Variants in RAB38 observed in about 807,000 individuals in gnomAD.
RAB38 encodes ras-related protein Rab-38.
Under a neutral mutation model 18.4 loss-of-function variants are expected in RAB38, and 15 were observed. That is an observed-to-expected ratio of 0.82 (90% CI 0.55 to 1.26). The LOEUF (loss-of-function observed/expected upper bound fraction) is 1.26. Ranked by LOEUF, RAB38 falls within the 50% of genes most tolerant of loss-of-function variation. The pLI is 0.00. For synonymous variants in RAB38, 101 were observed against 104.4 expected (o/e 0.97, Z 0.20); for missense variants, 294 against 267.4 (o/e 1.10, Z -0.69).
At chr11:88,166,967 T>TA (rs1024799689) in intron 1 of RAB38, 5 of 152,284 alleles carry the variant, frequency 3.3e-5, no homozygotes, top group African/African-American at 9.6e-5. Flanking sequence ...ATTGAACAAA[T>TA]ACTACTTGAG....
intron 2 of RAB38, among the ~76,000 whole-genome samples, chr11:88,145,304 C>A (rs552902259): frequency 6.6e-6 from 1 of 152,018 alleles, no homozygotes; most frequent in East Asian, 1.9e-4. Context: ...GTGCCTGCTG[C>A]CAGCCTGCTA....
the RAB38 span, among the ~76,000 whole-genome samples, chr11:88,070,262 G>A: frequency 4.6e-5 from 7 of 152,182 alleles, no homozygotes; most frequent in East Asian, 5.8e-4. Context: ...CAGACGGGCC[G>A]CCTTAAGAGC....
the RAB38 span, among the ~76,000 whole-genome samples, chr11:87,852,644 T>A: frequency 6.6e-6 from 1 of 152,190 alleles, no homozygotes; most frequent in African/African-American, 2.4e-5. Context: ...AATGTTATTT[T>A]CTCATCTCTG....
chr11:88,033,404 A>G, the RAB38 span, among the ~76,000 whole-genome samples: 315 of 151,904 alleles, frequency 2.1e-3, 3 homozygotes, highest in East Asian at 0.02. Flanking sequence ...AAAAAAAAAG[A>G]AAGTATTTGA....
the RAB38 span, among the ~76,000 whole-genome samples, chr11:88,030,000 G>T: frequency 6.6e-6 from 1 of 152,064 alleles, no homozygotes; most frequent in East Asian, 1.9e-4. Context: ...CTCAGCAAAT[G>T]TAAAAGAACA....
chr11:88,036,709 C>T, the RAB38 span, among the ~76,000 whole-genome samples: 1 of 151,864 alleles, frequency 6.6e-6, no homozygotes, highest in African/African-American at 2.4e-5. Context: ...CTTTGTGGAA[C>T]ATATCAATGG....
chr11:87,901,672 A>T, the RAB38 span, among the ~76,000 whole-genome samples: 1 of 151,558 alleles, frequency 6.6e-6, no homozygotes, highest in Non-Finnish European at 1.5e-5. Context: ...CAAATCCCAC[A>T]CCGGTTCAAC....
At chr11:87,965,068 G>C in the RAB38 span, among the ~76,000 whole-genome samples, 1 of 152,078 alleles carries the variant, frequency 6.6e-6, no homozygotes, top group Non-Finnish European at 1.5e-5. Flanking sequence ...AGGATGTTTA[G>C]CAGCATCTTT....
the RAB38 span, among the ~76,000 whole-genome samples, chr11:87,939,582 G>C: frequency 3.3e-5 from 5 of 152,122 alleles, no homozygotes; most frequent in African/African-American, 1.2e-4. Flanking sequence ...AGTTGGCCAG[G>C]CATGGTGACT....
chr11:87,856,145 C>T, the RAB38 span, among the ~76,000 whole-genome samples: 5 of 152,138 alleles, frequency 3.3e-5, no homozygotes, highest in African/African-American at 1.2e-4. Flanking sequence ...CATTTTCCTC[C>T]TGGACATATG....
chr11:88,067,755 G>T, the RAB38 span, among the ~76,000 whole-genome samples: 70 of 152,072 alleles, frequency 4.6e-4, no homozygotes, highest in African/African-American at 1.5e-3. Flanking sequence ...ACAGGGTGTG[G>T]GTGGCAAGGG....
At chr11:87,895,403 C>T in the RAB38 span, among the ~76,000 whole-genome samples, 3 of 151,578 alleles carry the variant, frequency 2.0e-5, no homozygotes, top group Non-Finnish European at 4.4e-5. Context: ...ATTTGGCTCA[C>T]TAACAGCCAG....
At chr11:88,123,970 C>A (rs1365621483) in intron 2 of RAB38, among the ~76,000 whole-genome samples, 3 of 152,132 alleles carry the variant, frequency 2.0e-5, no homozygotes, top group African/African-American at 4.8e-5. Flanking sequence ...ATATATGATT[C>A]TTATGCCCTA....
chr11:88,026,564 A>G, the RAB38 span, among the ~76,000 whole-genome samples: 1 of 65,342 alleles, frequency 1.5e-5, no homozygotes, highest in Non-Finnish European at 3.2e-5. Flanking sequence ...CTCTGTCACA[A>G]AAAAAAAAAA....
the RAB38 span, among the ~76,000 whole-genome samples, chr11:87,836,890 A>G: frequency 4.0e-5 from 6 of 151,726 alleles, no homozygotes; most frequent in African/African-American, 1.5e-4. Flanking sequence ...GTTGTCACCC[A>G]CTCTTTCTTC....
the RAB38 span, among the ~76,000 whole-genome samples, chr11:87,812,418 GA>G: frequency 2.0e-5 from 3 of 151,934 alleles, no homozygotes; most frequent in African/African-American, 7.2e-5. Context: ...TTGAGGCTAG[GA>G]AAAAAAGTCA....
the RAB38 span, among the ~76,000 whole-genome samples, chr11:88,077,573 C>A: frequency 6.6e-6 from 1 of 152,070 alleles, no homozygotes; most frequent in Non-Finnish European, 1.5e-5. Flanking sequence ...CTTCAATGAA[C>A]AGTGCTAGGA....
chr11:87,919,885 A>T, the RAB38 span, among the ~76,000 whole-genome samples: 1 of 151,924 alleles, frequency 6.6e-6, no homozygotes, highest in Non-Finnish European at 1.5e-5. Flanking sequence ...ATTTGTTGGC[A>T]TATAATTGTT....
chr11:88,097,552 G>A, the RAB38 span, among the ~76,000 whole-genome samples: 1 of 151,842 alleles, frequency 6.6e-6, no homozygotes, highest in Admixed American at 6.6e-5. Flanking sequence ...AGTATTGTGT[G>A]CCATGCGGTG....
Sources: allele counts gnomAD v4.1 joint callset (sites outside exome capture counted in the v4.1 genomes callset), GRCh38; gene constraint gnomAD v4.1.1; transcripts MANE v1.5; gene names NCBI Gene and HGNC (gene_info 2026-07-23, HGNC 2026-07-21).